SMG7: variants seen among roughly 807,000 people sequenced by gnomAD.
SMG7 encodes the protein SMG7 nonsense mediated mRNA decay factor, also known as nonsense-mediated mRNA decay factor SMG7.
Under a neutral mutation model 148.2 loss-of-function variants are expected in SMG7, and 34 were observed. That is an observed-to-expected ratio of 0.23 (90% CI 0.17 to 0.31). SMG7 has a LOEUF of 0.31. Ranked by LOEUF, SMG7 falls within the 10% of genes least tolerant of loss-of-function variation. SMG7 has a pLI of 1.00. For missense variants in SMG7, 1,114 were observed against 1,408.4 expected, an observed-to-expected ratio of 0.79 and a Z score of 3.35; for synonymous variants, 492 against 515.1, an observed-to-expected ratio of 0.96 and a Z score of 0.61.
At chr1:183,496,776 T>C (rs1407495665) in intron 1 of SMG7, among the ~76,000 whole-genome samples, 2 of 152,206 alleles carry the variant, frequency 1.3e-5, no homozygotes, top group Non-Finnish European at 2.9e-5. Flanking sequence ...AAAGAAGAAT[T>C]GTCTTGGGCC....
intron 18 of SMG7, chr1:183,548,993 G>GT: frequency 1.8e-6 from 1 of 568,740 alleles, no homozygotes; most frequent in Non-Finnish European, 3.1e-6. Context: ...CTCTGACTAG[G>GT]TTTGATCTAA....
At chr1:183,491,952 C>T (rs187491887) in intron 1 of SMG7, among the ~76,000 whole-genome samples, 113 of 152,262 alleles carry the variant, frequency 7.4e-4, no homozygotes, top group African/African-American at 2.6e-3. Context: ...CAAAAAAGGC[C>T]GTACCTAATT....
At chr1:183,533,425 G>A (rs1667206266) in intron 9 of SMG7, 99 bp downstream of exon 9, 9 of 1,297,802 alleles carry the variant, frequency 6.9e-6, no homozygotes, top group Non-Finnish European at 8.6e-6. Context: ...AAAAAGCATA[G>A]TGTATTTCTT....
At chr1:183,530,118 T>C (rs1364893272) in intron 8 of SMG7, among the ~76,000 whole-genome samples, 1 of 152,194 alleles carries the variant, frequency 6.6e-6, no homozygotes, top group Non-Finnish European at 1.5e-5. Context: ...GTATTAACTT[T>C]TTTTCAGTTC....
rs531021531 is a variant in SMG7, at chr1:183,483,787, A to G, written c.29+11138A>G. Among the ~76,000 whole-genome samples the G allele has an allele frequency of 5.3e-5, 8 of 152,324 alleles. No homozygotes were observed. The South Asian group carries it at 1.7e-3, about 32-fold the overall frequency. On this transcript the variant is annotated intron_variant, in intron 1 of 22. Coordinates refer to ENST00000688051, the MANE Select transcript of SMG7 (RefSeq NM_001375584.1). The stretch of plus-strand genomic sequence containing the variant: ...AGGTTAGACCATTTTAAGAACCACA[A>G]CTCAAATAATAAGGCATACTGGCCA...
chr1:183,516,363 T>G (rs534518897), intron 3 of SMG7, among the ~76,000 whole-genome samples: 1 of 152,360 alleles, frequency 6.6e-6, no homozygotes, highest in East Asian at 1.9e-4. Flanking sequence ...AATCTTTCTT[T>G]GTTAAACGTG....
At chr1:183,503,752 T>C (rs1481607057) in intron 1 of SMG7, among the ~76,000 whole-genome samples, 1 of 152,218 alleles carries the variant, frequency 6.6e-6, no homozygotes, top group Non-Finnish European at 1.5e-5. Flanking sequence ...CAAATGATCA[T>C]TTAGGTTCTT....
intron 1 of SMG7, among the ~76,000 whole-genome samples, chr1:183,508,574 C>T (rs1661466879): frequency 6.6e-6 from 1 of 151,992 alleles, no homozygotes; most frequent in Admixed American, 6.6e-5. Context: ...GTTACGTATC[C>T]ATTGATTTGA....
rs1020433868 is a variant in SMG7, at chr1:183,475,488, G to A, written c.29+2839G>A. Among the ~76,000 whole-genome samples, 7 of 152,340 alleles carry A rather than the reference G, an allele frequency of 4.6e-5. No individual in the cohort carries two copies. The East Asian group carries it at 1.2e-3, about 25-fold the overall frequency. ...TGAGATGATTTGCTAGAATTAATAT[G>A]TTCACAGCTATGTGTTAGGAAAATG... On this transcript the variant is annotated intron_variant, in intron 1 of 22. Coordinates refer to ENST00000688051, the MANE Select transcript of SMG7 (RefSeq NM_001375584.1).
chr1:183,533,761 C>T lies in SMG7; in HGVS notation c.1092C>T (p.Val364=). ...ESYNAYPLPA[V]KVSMDWLRLR... ...ACAATGCCTATCCTCTTCCAGCAGT[C>T]AAGGTCTCCATGGACTGGCTAAGAC... The change falls in exon 10 of 23, where the codon GTC becomes GTT. Residue 364 remains valine, a synonymous_variant. Transcript: ENST00000688051. 1.2e-6 allele frequency: 2 copies of T among 1,613,530 alleles called. No individual in the cohort carries two copies. The highest frequency in any genetic ancestry group is 8.5e-7 in the Non-Finnish European group (1 of 1,179,610).
chr1:183,500,019 T>C (rs572682718), intron 1 of SMG7, among the ~76,000 whole-genome samples: 75 of 152,308 alleles, frequency 4.9e-4, no homozygotes, highest in African/African-American at 1.7e-3. Context: ...AAAAGGACTA[T>C]TTTTAAAAAG....
At chr1:183,526,573 A>T in intron 4 of SMG7, 23 bp from the exon 5 acceptor site, 3 of 1,558,580 alleles carry the variant, frequency 1.9e-6, no homozygotes, top group Non-Finnish European at 2.6e-6. Flanking sequence ...CTTACTACTA[A>T]ATTTTGTTTG....
At chr1:183,532,374 TG>T (rs1404297039) in intron 8 of SMG7, among the ~76,000 whole-genome samples, 1 of 152,210 alleles carries the variant, frequency 6.6e-6, no homozygotes, top group Non-Finnish European at 1.5e-5. Flanking sequence ...AAAGTATTTT[TG>T]CCTGCAGGTA....
Position 183,547,111 on chromosome 1 carries a change from G to T in SMG7, c.2751G>T (p.Lys917Asn). ...PVPRMPFEDP[K>N]SSPLLPPDLL... is the part of the protein sequence containing the mutation. Reference sequence around the variant, plus strand: ...ATGCTTTCTGTCACTAGGACCCCAAGAGCTCCCCTCTGCTTCCTCCGGACC... The same window carrying T: ...ATGCTTTCTGTCACTAGGACCCCAATAGCTCCCCTCTGCTTCCTCCGGACC... Residue 917 changes from lysine to asparagine, a missense_variant, in exon 18 of 23, where the codon AAG becomes AAT. By Grantham distance (94) the Lys-to-Asn change is moderately conservative. Around this residue, in one of 4 missense-constraint regions of SMG7, gnomAD observed 788 missense variants for 894.5 expected, o/e 0.88. Transcript: ENST00000688051. 6.5e-7 allele frequency: 1 copy of T among 1,549,732 alleles called. No individual in the cohort carries two copies. Among genetic ancestry groups the T allele is most frequent in the South Asian group, 1.2e-5 (1 of 83,962 alleles).
At chr1:183,506,653 TAA>T (rs80096048) in intron 1 of SMG7, among the ~76,000 whole-genome samples, 1 of 138,666 alleles carries the variant, frequency 7.2e-6, no homozygotes, top group African/African-American at 2.6e-5. Flanking sequence ...TTAAATTTCT[TAA>T]AAAAAAAAAA....
rs973512919 is a variant in SMG7, at chr1:183,516,267, A to G, written c.179+276A>G. Among the ~76,000 whole-genome samples the G allele has an allele frequency of 2.0e-5, 3 of 152,186 alleles. No individual in the cohort carries two copies. The East Asian group carries it at 5.8e-4, about 29-fold the overall frequency. ...AAAAAAAACAAATATATCTATTTCA[A>G]ATACTAAGAGTGTTTGGATTGTCTG... is the stretch of plus-strand genomic sequence containing the variant. On this transcript the variant is annotated intron_variant, in intron 3 of 22. Coordinates refer to ENST00000688051, the MANE Select transcript of SMG7 (RefSeq NM_001375584.1).
At chr1:183,515,605 C>CT (rs35057958) in intron 2 of SMG7, among the ~76,000 whole-genome samples, 22,812 of 123,162 alleles carry the variant, frequency 0.19, 2,145 homozygotes, top group African/African-American at 0.3. Context: ...GCAAACCATT[C>CT]TTTTTTTTTT....
chr1:183,486,630 C>T (rs1004699588), intron 1 of SMG7, among the ~76,000 whole-genome samples: 11 of 151,878 alleles, frequency 7.2e-5, no homozygotes, highest in African/African-American at 2.2e-4. Context: ...AGGCTGGTCT[C>T]GAACTCCTGA....
Position 183,545,087 on chromosome 1 carries a change from C to G in SMG7, c.2145C>G (p.His715Gln). ...AGGTGCAAGCTGGGAAACAGTCCCA[C>G]ATTCCTTACAGCCAGCAACGGCCCT... The part of the protein sequence containing the change: ...GNQVQAGKQS[H>Q]IPYSQQRPSG... Residue 715 changes from histidine to glutamine, a missense_variant, in exon 16 of 23, where the codon CAC becomes CAG. Coordinates refer to ENST00000688051, the MANE Select transcript of SMG7 (RefSeq NM_001375584.1). 1 of 1,614,156 alleles carries G rather than the reference C, an allele frequency of 6.2e-7. No homozygotes were observed. The highest frequency in any genetic ancestry group is 1.1e-5 in the South Asian group (1 of 91,086).
Sources: allele counts gnomAD v4.1 joint callset (sites outside exome capture counted in the v4.1 genomes callset), GRCh38; gene constraint gnomAD v4.1.1; regional missense constraint gnomAD v4.1.1; transcripts MANE v1.5; gene names NCBI Gene and HGNC (gene_info 2026-07-23, HGNC 2026-07-21).